LIPT1: variants seen among roughly 807,000 people sequenced by gnomAD.
LIPT1 encodes lipoyltransferase 1.
A neutral mutation model predicts 25.1 loss-of-function variants in LIPT1; 22 were observed. The observed-to-expected ratio is 0.88, with a 90% confidence interval of 0.63 to 1.25. LIPT1 has a LOEUF of 1.25. Ranked by LOEUF, LIPT1 falls within the 50% of genes most tolerant of loss-of-function variation. The probability of loss-of-function intolerance (pLI) is 0.00; values close to 1 mark genes in which losing one functional copy is unlikely to be tolerated. For synonymous variants in LIPT1, 131 were observed against 150.8 expected (o/e 0.87, Z 0.96); for missense variants, 399 against 432.8 (o/e 0.92, Z 0.69).
At position 99,162,805 on chromosome 2, in the gene LIPT1, CTTCCT is replaced by C. The variant is rs1328104200; in HGVS notation, c.852_856del (p.Phe285CysfsTer4). The C allele has an allele frequency of 1.2e-6, 2 of 1,614,080 alleles. No homozygotes were observed. The highest frequency in any genetic ancestry group is 2.2e-5 in the East Asian group (1 of 44,876). On this transcript the variant is annotated frameshift_variant, in exon 2 of 2. Coordinates refer to ENST00000651691, the MANE Select transcript of LIPT1 (RefSeq NM_145199.3). LOFTEE classifies it high-confidence loss of function. Reference sequence around the variant, plus strand: ...AAAACTCCAAAGTTTAGTATAAATACTTCCTTTCATGTGTTATATGAACAGTCACA... The same window carrying C: ...AAAACTCCAAAGTTTAGTATAAATACTTCATGTGTTATATGAACAGTCACA...
chr2:99,157,302 C>T (rs1358010182), intron 1 of LIPT1, among the ~76,000 whole-genome samples: 5 of 152,202 alleles, frequency 3.3e-5, no homozygotes, highest in Admixed American at 1.3e-4. Flanking sequence ...TCCTTTAAGG[C>T]TGCCCCTACC....
intron 1 of LIPT1, among the ~76,000 whole-genome samples, chr2:99,158,063 T>G (rs2093765467): frequency 1.3e-5 from 2 of 152,186 alleles, no homozygotes; most frequent in African/African-American, 4.8e-5. Context: ...CCTGATAATA[T>G]GAGATGAGTC....
rs758268217 is a variant in LIPT1, at chr2:99,162,912, T to C, written c.955T>C (p.Leu319=). The C allele has an allele frequency of 7.4e-5, 120 of 1,613,464 alleles. No individual in the cohort carries two copies. The highest frequency in any genetic ancestry group is 9.9e-5 in the South Asian group (9 of 90,936). Reference sequence around the variant, plus strand: ...TAATATTGAAGCACCTGATCATTGGTTGCCATTGGAAATACGTGACAAATT... The same window carrying C: ...TAATATTGAAGCACCTGATCATTGGCTGCCATTGGAAATACGTGACAAATT... ...ICNIEAPDHW[L]PLEIRDKLNS... is the part of the protein sequence containing the mutation. The change falls in exon 2 of 2, where the codon TTG becomes CTG. Residue 319 remains leucine, a synonymous_variant. Transcript: ENST00000651691.
At position 99,162,685 on chromosome 2, in the gene LIPT1, A is replaced by G; in HGVS notation, c.728A>G (p.Asn243Ser). The change falls in exon 2 of 2, where the codon AAT (asparagine) becomes AGT (serine). Residue 243 changes from asparagine (N) to serine (S), a missense_variant. Transcript: ENST00000651691. ...TEYAAYHQIDNHIHLINPTDE... is the reference protein window; with the variant it reads ...TEYAAYHQIDSHIHLINPTDE... ...TATGCTGCTTATCATCAAATTGATAATCACATTCACCTAATAAACCCAACG... is the reference window on the plus strand; with the variant it reads ...TATGCTGCTTATCATCAAATTGATAGTCACATTCACCTAATAAACCCAACG... 1.2e-6 allele frequency: 2 copies of G among 1,614,210 alleles called. No homozygotes were observed. Among genetic ancestry groups the G allele is most frequent in the East Asian group, 2.2e-5 (1 of 44,880 alleles).
At chr2:99,160,607 A>G (rs917541835) in intron 1 of LIPT1, among the ~76,000 whole-genome samples, 4 of 152,204 alleles carry the variant, frequency 2.6e-5, no homozygotes, top group African/African-American at 9.7e-5. Context: ...TTTGCTGCCT[A>G]ATATTTCATT....
intron 1 of LIPT1, among the ~76,000 whole-genome samples, chr2:99,160,369 A>G (rs189988235): frequency 2.4e-4 from 37 of 152,286 alleles, no homozygotes; most frequent in African/African-American, 8.7e-4. Flanking sequence ...TTACAGAGTG[A>G]TACCCTGTCT....
chr2:99,162,924 AT>A lies in LIPT1; in HGVS notation c.968del (p.Ile323AsnfsTer5). 1 of 1,613,772 alleles carries A rather than the reference AT, an allele frequency of 6.2e-7. No homozygotes were observed. Among genetic ancestry groups the A allele is most frequent in the South Asian group, 1.1e-5 (1 of 90,978 alleles). The part of the protein sequence containing the change: ...EAPDHWLPLE[I>X]RDKLNSSLIG... ...ACCTGATCATTGGTTGCCATTGGAA[AT>A]ACGTGACAAATTAAATTCAAGTCTT... On this transcript the variant is annotated frameshift_variant, in exon 2 of 2. Coordinates refer to ENST00000651691, the MANE Select transcript of LIPT1 (RefSeq NM_145199.3). LOFTEE classifies it high-confidence loss of function.
chr2:99,161,835 C>G (rs1304794047), intron 1 of LIPT1, 122 bp from the exon 2 acceptor site: 1 of 810,566 alleles, frequency 1.2e-6, no homozygotes, highest in Non-Finnish European at 1.9e-6. Context: ...AGCTAAAAGC[C>G]AAAAGCAACT....
intron 1 of LIPT1, among the ~76,000 whole-genome samples, chr2:99,160,540 G>A (rs1467190685): frequency 6.6e-6 from 1 of 152,180 alleles, no homozygotes; most frequent in Non-Finnish European, 1.5e-5. Context: ...GGAATAGAAT[G>A]ATTTAAGACC....
rs201441847 is a variant in LIPT1, at chr2:99,162,928, G to A, written c.971G>A (p.Arg324His). The change falls in exon 2 of 2, where the codon CGT becomes CAT. Residue 324 changes from arginine to histidine, a missense_variant. Physicochemically the swap from Arg to His is conservative, Grantham distance 29. Transcript: ENST00000651691. ...GATCATTGGTTGCCATTGGAAATAC[G>A]TGACAAATTAAATTCAAGTCTTATT... Reference protein sequence around the residue: ...APDHWLPLEIRDKLNSSLIGS... With the variant: ...APDHWLPLEIHDKLNSSLIGS... The A allele has an allele frequency of 4.3e-6, 7 of 1,613,558 alleles. No homozygotes were observed. The highest frequency in any genetic ancestry group is 3.3e-5 in the South Asian group (3 of 90,978).
intron 1 of LIPT1, chr2:99,155,459 G>A (rs1332597297): frequency 2.2e-6 from 1 of 455,922 alleles, no homozygotes; most frequent in Admixed American, 2.4e-5. Context: ...AGATAGATGG[G>A]ATTGTGCTGT....
chr2:99,157,972 ATAGT>A (rs750517485), intron 1 of LIPT1, among the ~76,000 whole-genome samples: 8 of 152,216 alleles, frequency 5.3e-5, no homozygotes, highest in Non-Finnish European at 1.0e-4. Flanking sequence ...TATTAATAAA[ATAGT>A]TAGCACATAT....
intron 1 of LIPT1, among the ~76,000 whole-genome samples, chr2:99,158,429 C>A (rs1180458787): frequency 0.013 from 1,235 of 96,442 alleles, no homozygotes; most frequent in Non-Finnish European, 0.014. Flanking sequence ...TTCATCTCTA[C>A]AAAAAAAAAA....
At chr2:99,159,572 CTTCAGTGGATCT>C (rs2093773352) in intron 1 of LIPT1, among the ~76,000 whole-genome samples, 1 of 152,196 alleles carries the variant, frequency 6.6e-6, no homozygotes, top group Non-Finnish European at 1.5e-5. Context: ...CTGCTTAACA[CTTCAGTGGATCT>C]TAGCTGCCTT....
At chr2:99,158,645 G>T (rs1238507767) in intron 1 of LIPT1, among the ~76,000 whole-genome samples, 1 of 152,116 alleles carries the variant, frequency 6.6e-6, no homozygotes, top group Non-Finnish European at 1.5e-5. Flanking sequence ...CCCCATTCTT[G>T]TATTCCTAAT....
In LIPT1 at chr2:99,162,427, A is replaced by T; in HGVS notation, c.470A>T (p.Asp157Val). ...QATKRFDLLL[D>V]GQFKISGTAS... is the part of the protein sequence containing the mutation. ...ACCAAAAGATTTGACCTTTTACTTG[A>T]TGGACAGTTTAAAATCTCAGGAACA... The change falls in exon 2 of 2, where the codon GAT becomes GTT. Residue 157 changes from aspartate to valine, a missense_variant. Coordinates refer to ENST00000651691, the MANE Select transcript of LIPT1 (RefSeq NM_145199.3). 6.2e-7 allele frequency: 1 copy of T among 1,614,022 alleles called. No homozygotes were observed. Among genetic ancestry groups the T allele is most frequent in the Non-Finnish European group, 8.5e-7 (1 of 1,180,034 alleles).
rs1377512592 is a variant in LIPT1, at chr2:99,163,130, T to C, written c.*51T>C. On this transcript the variant is annotated 3_prime_UTR_variant, in exon 2 of 2. Transcript: ENST00000651691. ...TTCAATTAGAAAATAAAATGTCTCA[T>C]ACTTGCACATTGTATGTCAAAAAAA... is the stretch of plus-strand genomic sequence containing the variant. 1 of 1,271,010 alleles carries C rather than the reference T, an allele frequency of 7.9e-7. No individual in the cohort carries two copies. Among genetic ancestry groups the C allele is most frequent in the Admixed American group, 2.7e-5 (1 of 37,066 alleles). The allele number at this position is 1,271,010 out of a possible 1,614,324, so 78.7% of individuals were successfully genotyped here. A position where few individuals can be genotyped will look rare whatever the true frequency, so the allele number is the denominator to read the frequency against.
chr2:99,160,466 T>C (rs977599199), intron 1 of LIPT1, among the ~76,000 whole-genome samples: 2 of 152,238 alleles, frequency 1.3e-5, no homozygotes, highest in African/African-American at 4.8e-5. Context: ...TTATACACTT[T>C]AATAATCCAT....
chr2:99,155,111 G>T (rs2093736604), intron 1 of LIPT1, 60 bp downstream of exon 1: 1 of 452,462 alleles, frequency 2.2e-6, no homozygotes, highest in Non-Finnish European at 4.4e-6. Context: ...GTGGGCGGCC[G>T]TGGGGTCTTG....
Sources: allele counts gnomAD v4.1 joint callset (sites outside exome capture counted in the v4.1 genomes callset), GRCh38; gene constraint gnomAD v4.1.1; transcripts MANE v1.5; gene names NCBI Gene and HGNC (gene_info 2026-07-23, HGNC 2026-07-21).